The following XKR6 variants were observed in gnomAD, a reference collection of about 807,000 sequenced individuals.
XKR6 encodes the protein XK-related protein 6.
A neutral mutation model predicts 56.7 loss-of-function variants in XKR6; 22 were observed. The ratio of observed to expected loss-of-function variants is 0.39; its 90% CI spans 0.28 to 0.55. The LOEUF is 0.55. XKR6 is among the 20% of genes least tolerant of loss of function. The pLI is 0.66. For missense variants in XKR6, 852 were observed against 889.0 expected (o/e 0.96, Z 0.53); for synonymous variants, 524 against 387.8 (o/e 1.35, Z -4.13).
chr8:11,009,145 T>C (rs1270997865), intron 1 of XKR6, among the ~76,000 whole-genome samples: 1 of 152,044 alleles, frequency 6.6e-6, no homozygotes, highest in Non-Finnish European at 1.5e-5. Flanking sequence ...AATCATTCCA[T>C]AGTCAATCAA....
At chr8:10,973,981 T>C (rs1802480438) in intron 1 of XKR6, among the ~76,000 whole-genome samples, 1 of 152,192 alleles carries the variant, frequency 6.6e-6, no homozygotes, top group Non-Finnish European at 1.5e-5. Flanking sequence ...TCATTCCAGT[T>C]TTTTTTTAAG....
In XKR6 at chr8:10,896,624, G is replaced by T. The variant is rs527617975; in HGVS notation, c.*1328C>A. On this transcript the variant is annotated 3_prime_UTR_variant, in exon 3 of 3. Coordinates refer to ENST00000416569, the MANE Select transcript of XKR6 (RefSeq NM_173683.4). ...TTCCCATTCAACCCAGATGCACCAG[G>T]TGAGCTGAATGATTTTCAGCCAACC... 2.0e-5 allele frequency: 3 copies of T among 152,640 alleles called. No individual in the cohort carries two copies. The highest frequency in any genetic ancestry group is 7.2e-5 in the African/African-American group (3 of 41,528). The allele number at this position is 152,640 out of a possible 1,614,324, so 9.5% of individuals were successfully genotyped here.
intron 1 of XKR6, among the ~76,000 whole-genome samples, chr8:11,007,907 G>T (rs1489645639): frequency 1.3e-5 from 2 of 151,984 alleles, no homozygotes; most frequent in African/African-American, 4.8e-5. Context: ...GCCCTTGGAA[G>T]CAGATGGCAG....
intron 2 of XKR6, among the ~76,000 whole-genome samples, chr8:10,900,248 A>C (rs992347817): frequency 1.9e-4 from 29 of 152,104 alleles, no homozygotes; most frequent in African/African-American, 6.5e-4. Flanking sequence ...AAGATCAGAT[A>C]CAGAAGCCCC....
chr8:10,917,804 C>T (rs1291562759), intron 2 of XKR6, among the ~76,000 whole-genome samples: 3 of 152,220 alleles, frequency 2.0e-5, no homozygotes, highest in African/African-American at 7.2e-5. Flanking sequence ...CTAACTGAGT[C>T]CGTCACCTTG....
chr8:10,954,626 G>A (rs1204054987), intron 1 of XKR6, among the ~76,000 whole-genome samples: 1 of 151,986 alleles, frequency 6.6e-6, no homozygotes, highest in Non-Finnish European at 1.5e-5. Flanking sequence ...CTTTCCTGAT[G>A]GTGTCCTCTG....
chr8:10,959,163 T>C (rs572634694), intron 1 of XKR6, among the ~76,000 whole-genome samples: 29 of 152,302 alleles, frequency 1.9e-4, no homozygotes, highest in Non-Finnish European at 4.0e-4. Context: ...CGGCTTTCAC[T>C]GAACAACTTC....
intron 1 of XKR6, among the ~76,000 whole-genome samples, chr8:11,049,855 G>A (rs552903227): frequency 3.9e-5 from 6 of 152,288 alleles, no homozygotes; most frequent in Non-Finnish European, 5.9e-5. Context: ...GGCAAACAGC[G>A]CATACACACA....
intron 1 of XKR6, among the ~76,000 whole-genome samples, chr8:11,130,363 A>G (rs931997225): frequency 5.3e-5 from 8 of 152,146 alleles, no homozygotes; most frequent in African/African-American, 1.2e-4. Flanking sequence ...TTTTATCGCC[A>G]TATCTACACT....
intron 1 of XKR6, among the ~76,000 whole-genome samples, chr8:11,077,394 G>A (rs1044071029): frequency 2.6e-5 from 4 of 152,110 alleles, no homozygotes; most frequent in African/African-American, 9.7e-5. Context: ...TGCAGCCCTG[G>A]GGCGCTCTGT....
At chr8:11,164,011 T>A (rs187014252) in intron 1 of XKR6, among the ~76,000 whole-genome samples, 1 of 152,284 alleles carries the variant, frequency 6.6e-6, no homozygotes, top group African/African-American at 2.4e-5. Flanking sequence ...AACAGTAATG[T>A]GAGCATGTTT....
intron 1 of XKR6, chr8:11,111,576 A>T (rs917727952): frequency 1.3e-5 from 2 of 152,206 alleles, no homozygotes; most frequent in South Asian, 4.1e-4. Context: ...AGAAAAGACA[A>T]GAATAGGCAT....
At chr8:10,984,637 T>A (rs1374332532) in intron 1 of XKR6, among the ~76,000 whole-genome samples, 1 of 149,098 alleles carries the variant, frequency 6.7e-6, no homozygotes, top group Non-Finnish European at 1.5e-5. Context: ...CAAAAATCCA[T>A]CAGCTTTCCA....
At chr8:10,956,538 A>G (rs531498821) in intron 1 of XKR6, among the ~76,000 whole-genome samples, 2 of 152,300 alleles carry the variant, frequency 1.3e-5, no homozygotes, top group South Asian at 4.1e-4. Flanking sequence ...TTATCGACAG[A>G]GAGGACAGCG....
intron 1 of XKR6, among the ~76,000 whole-genome samples, chr8:11,069,598 A>G (rs914834271): frequency 6.6e-6 from 1 of 152,116 alleles, no homozygotes; most frequent in African/African-American, 2.4e-5. Context: ...CAAGCTGAGC[A>G]TAAAAGAAAG....
chr8:11,062,477 C>G (rs2129164118), intron 1 of XKR6, among the ~76,000 whole-genome samples: 1 of 152,338 alleles, frequency 6.6e-6, no homozygotes, highest in South Asian at 2.1e-4. Context: ...CCAATACATC[C>G]AGCTCCATGA....
intron 1 of XKR6, among the ~76,000 whole-genome samples, chr8:11,036,923 TA>T (rs1799159978): frequency 6.6e-6 from 1 of 152,202 alleles, no homozygotes; most frequent in Admixed American, 6.5e-5. Flanking sequence ...TGGCTTGAGC[TA>T]GAACCGCTCT....
intron 1 of XKR6, among the ~76,000 whole-genome samples, chr8:11,026,673 TGCCTACTACACACCTAGATGGTCTA>T (rs879897837): frequency 1.4e-5 from 2 of 146,594 alleles, no homozygotes; most frequent in Non-Finnish European, 1.5e-5. Flanking sequence ...TTAATGGCGT[TGCCTACTACACACCTAGATGGTCTA>T]GCCTACTACA....
At chr8:11,084,422 C>T (rs535320122) in intron 1 of XKR6, among the ~76,000 whole-genome samples, 34 of 152,130 alleles carry the variant, frequency 2.2e-4, no homozygotes, top group African/African-American at 6.0e-4. Context: ...TGATTTATAC[C>T]GTCATTTTAA....
Sources: gnomAD v4.1 joint callset for allele counts (sites outside exome capture counted in the v4.1 genomes callset) on GRCh38, gnomAD v4.1.1 for gene constraint, MANE v1.5 for transcripts, NCBI Gene and HGNC (gene_info 2026-07-23, HGNC 2026-07-21) for gene names.